Variants in DCLK1 observed in about 807,000 individuals in gnomAD.
DCLK1 encodes serine/threonine-protein kinase DCLK1.
A neutral mutation model predicts 86.2 loss-of-function variants in DCLK1; 16 were observed. The ratio of observed to expected loss-of-function variants is 0.19; its 90% CI spans 0.13 to 0.28. The LOEUF is 0.28. Ranked by LOEUF, DCLK1 falls within the 10% of genes least tolerant of loss-of-function variation. The probability of loss-of-function intolerance (pLI) is 1.00; values close to 1 mark genes in which losing one functional copy is unlikely to be tolerated. For missense variants in DCLK1, 590 were observed against 940.2 expected (o/e 0.63, Z 4.87); for synonymous variants, 369 against 370.5 (o/e 1.00, Z 0.05).
rs1872536896 is a variant in DCLK1, at chr13:35,875,450, T to C, written c.824-4110A>G. ...GTGCCAGAGTTGCTAGCTGTGGCTA[T>C]AACTACCAACCAGCAATCCAGGACA... On this transcript the variant is annotated intron_variant, in intron 4 of 16. Transcript: ENST00000360631. Among the ~76,000 whole-genome samples, 5 of 152,318 alleles carry C rather than the reference T, an allele frequency of 3.3e-5. No homozygotes were observed. The South Asian group carries it at 1.0e-3, about 32-fold the overall frequency.
rs9601777 is a variant in DCLK1, at chr13:35,961,074, T to C, written c.724-13617A>G. Among the ~76,000 whole-genome samples, 1,194 of 152,218 alleles carry C rather than the reference T, an allele frequency of 7.8e-3. 9 individuals are homozygous for C. The highest frequency in any genetic ancestry group is 0.027 in the African/African-American group (1,129 of 41,500). ...AATATAGAACAGCATATAATAGAGG[T>C]TTTGAGTATAGGCTCTGGAGTCAGA... On this transcript the variant is annotated intron_variant, in intron 3 of 16. Transcript: ENST00000360631.
At chr13:36,073,931 G>A (rs7339267) in intron 3 of DCLK1, among the ~76,000 whole-genome samples, 40,023 of 152,044 alleles carry the variant, frequency 0.26, 5,603 homozygotes, top group East Asian at 0.5. Context: ...AGTTAGGGAT[G>A]TATTTCTATA....
At chr13:35,905,712 A>G in intron 4 of DCLK1, among the ~76,000 whole-genome samples, 1 of 152,194 alleles carries the variant, frequency 6.6e-6, no homozygotes, top group African/African-American at 2.4e-5. Context: ...TTGGGAGGCC[A>G]AGGCGGGTGG....
intron 11 of DCLK1, among the ~76,000 whole-genome samples, chr13:35,822,132 AC>A (rs1412156325): frequency 1.3e-5 from 2 of 151,564 alleles, no homozygotes; most frequent in Non-Finnish European, 2.9e-5. Flanking sequence ...ACTTCTTTTT[AC>A]TTTTCTTTTC....
At chr13:35,850,179 A>T in intron 6 of DCLK1, 15 of 985,042 alleles carry the variant, frequency 1.5e-5, no homozygotes, top group Non-Finnish European at 1.8e-5. Flanking sequence ...CTGTCTAGGG[A>T]GAAAAAAAAT....
At chr13:35,997,719 C>G (rs1021821548) in intron 3 of DCLK1, among the ~76,000 whole-genome samples, 1 of 152,158 alleles carries the variant, frequency 6.6e-6, no homozygotes, top group Non-Finnish European at 1.5e-5. Context: ...AACTTCCCCC[C>G]AAACCAAAAC....
chr13:35,892,190 C>T (rs1873689353), intron 4 of DCLK1, among the ~76,000 whole-genome samples: 1 of 152,146 alleles, frequency 6.6e-6, no homozygotes, highest in Non-Finnish European at 1.5e-5. Flanking sequence ...TCTCCTTGAA[C>T]ACCTGCACTG....
chr13:36,023,901 C>CT (rs59071937), intron 3 of DCLK1, among the ~76,000 whole-genome samples: 3,759 of 128,468 alleles, frequency 0.029, 238 homozygotes, highest in African/African-American at 0.095. Context: ...TTCTTTCTTT[C>CT]TTTTTTTTTT....
intron 3 of DCLK1, among the ~76,000 whole-genome samples, chr13:36,028,266 G>T (rs771104693): frequency 6.6e-6 from 1 of 152,182 alleles, no homozygotes; most frequent in Non-Finnish European, 1.5e-5. Context: ...CAACTGCATA[G>T]TGGAATTATA....
At chr13:36,099,500 A>G (rs1885123601) in intron 3 of DCLK1, among the ~76,000 whole-genome samples, 1 of 152,126 alleles carries the variant, frequency 6.6e-6, no homozygotes, top group Admixed American at 6.5e-5. Flanking sequence ...AGTGAGTCTG[A>G]AAGGACTCTT....
At chr13:36,065,693 G>C (rs915262140) in intron 3 of DCLK1, among the ~76,000 whole-genome samples, 3 of 151,484 alleles carry the variant, frequency 2.0e-5, no homozygotes, top group Non-Finnish European at 4.4e-5. Flanking sequence ...AATAAGGTCA[G>C]CTAGAGACTA....
At chr13:35,919,703 A>G (rs984427593) in intron 4 of DCLK1, among the ~76,000 whole-genome samples, 3 of 152,112 alleles carry the variant, frequency 2.0e-5, no homozygotes, top group Non-Finnish European at 4.4e-5. Context: ...GCTCATGCCT[A>G]TAATTCCAGC....
chr13:35,946,943 G>C (rs1325655244), intron 4 of DCLK1, among the ~76,000 whole-genome samples: 1 of 152,030 alleles, frequency 6.6e-6, no homozygotes, highest in Non-Finnish European at 1.5e-5. Flanking sequence ...AAAAGGGAAA[G>C]CAAACCACTT....
intron 13 of DCLK1, among the ~76,000 whole-genome samples, chr13:35,808,588 G>T (rs918543852): frequency 3.3e-5 from 5 of 152,124 alleles, no homozygotes; most frequent in African/African-American, 1.2e-4. Flanking sequence ...TTCAATACCA[G>T]CTTGGCCAAC....
At chr13:35,829,859 G>A (rs1482232252) in intron 8 of DCLK1, among the ~76,000 whole-genome samples, 1 of 152,150 alleles carries the variant, frequency 6.6e-6, no homozygotes, top group Non-Finnish European at 1.5e-5. Context: ...CTGTCACTCA[G>A]GAAGGGAATG....
intron 4 of DCLK1, among the ~76,000 whole-genome samples, chr13:35,898,309 C>T (rs1413371498): frequency 6.6e-6 from 1 of 152,176 alleles, no homozygotes; most frequent in Non-Finnish European, 1.5e-5. Context: ...CCCAGTCTTC[C>T]CGGAAAAGCT....
chr13:35,777,831 C>T (rs980680156), intron 16 of DCLK1, among the ~76,000 whole-genome samples: 2 of 152,174 alleles, frequency 1.3e-5, no homozygotes, highest in African/African-American at 2.4e-5. Flanking sequence ...TCTGGGCCCC[C>T]GCCCACTCTG....
chr13:36,031,974 G>T (rs577773538), intron 3 of DCLK1, among the ~76,000 whole-genome samples: 13 of 152,318 alleles, frequency 8.5e-5, no homozygotes, highest in African/African-American at 3.1e-4. Context: ...AGAAAAAAGG[G>T]AAGGGGACAG....
chr13:35,947,225 TG>T (rs1230314894), intron 4 of DCLK1, 132 bp downstream of exon 4: 2 of 553,244 alleles, frequency 3.6e-6, no homozygotes, highest in African/African-American at 1.9e-5. Context: ...ATCCAAGATA[TG>T]GAAAAGACAC....
Sources: gnomAD v4.1 joint callset for allele counts (sites outside exome capture counted in the v4.1 genomes callset) on GRCh38, gnomAD v4.1.1 for gene constraint, MANE v1.5 for transcripts, NCBI Gene and HGNC (gene_info 2026-07-23, HGNC 2026-07-21) for gene names.